Variants in MYO5C observed in about 807,000 individuals in gnomAD.
The protein encoded by MYO5C is unconventional myosin-Vc.
MYO5C carries 194 observed loss-of-function variants against 235.7 expected under a neutral mutation model. The observed-to-expected ratio is 0.82, with a 90% CI of 0.73 to 0.93. MYO5C has a LOEUF of 0.93. MYO5C is among the 40% of genes least tolerant of loss of function. The probability of loss-of-function intolerance (pLI) is 0.00; values close to 1 mark genes in which losing one functional copy is unlikely to be tolerated. For synonymous variants in MYO5C, 707 were observed against 754.8 expected (o/e 0.94, Z 1.04); for missense variants, 2,038 against 2,127.2 (o/e 0.96, Z 0.82).
chr15:52,206,008 CAT>C lies in MYO5C; in HGVS notation c.4387-44_4387-43del, dbSNP rs775352174. 74 of 1,229,994 alleles carry C rather than the reference CAT, an allele frequency of 6.0e-5. No individual in the cohort carries two copies. The Middle Eastern group carries it at 1.2e-3, about 19-fold the overall frequency. The allele number at this position is 1,229,994 out of a possible 1,614,324, so 76.2% of individuals were successfully genotyped here. A position where few individuals can be genotyped will look rare whatever the true frequency, so the allele number is the denominator to read the frequency against. On this transcript the variant is annotated intron_variant, in intron 36 of 40. Transcript: ENST00000261839. Reference sequence around the variant, plus strand: ...ACATAAAATATTAGAATAATACAAACATGTAGGAAATTAATAATCAGCTACTA... The same window carrying C: ...ACATAAAATATTAGAATAATACAAACGTAGGAAATTAATAATCAGCTACTA...
At chr15:52,215,512 A>C (rs1437724206) in intron 32 of MYO5C, among the ~76,000 whole-genome samples, 1 of 152,130 alleles carries the variant, frequency 6.6e-6, no homozygotes, top group Non-Finnish European at 1.5e-5. Context: ...GCCGAGGGAC[A>C]TTGTGCTGTT....
intron 1 of MYO5C, among the ~76,000 whole-genome samples, chr15:52,291,186 A>T (rs963323397): frequency 2.0e-5 from 3 of 152,218 alleles, no homozygotes; most frequent in Non-Finnish European, 2.9e-5. Context: ...CACCGTACTC[A>T]TGGCTGAGCA....
intron 11 of MYO5C, among the ~76,000 whole-genome samples, 199 bp downstream of exon 11, chr15:52,256,440 A>C (rs1168277060): frequency 6.6e-6 from 1 of 152,142 alleles, no homozygotes; most frequent in Non-Finnish European, 1.5e-5. Context: ...TGATTCAAAA[A>C]AGATGAAATA....
rs553279805 is a variant in MYO5C at position 52,211,651 on chromosome 15, C to T, written c.4296+79G>A. 207 of 1,476,324 alleles carry T rather than the reference C, an allele frequency of 1.4e-4. No individual in the cohort carries two copies. The African/African-American group carries it at 2.5e-3, about 18-fold the overall frequency. 91.5% of individuals were successfully genotyped at this position (1,476,324 alleles called of 1,614,324 possible). A position where few individuals can be genotyped will look rare whatever the true frequency, so the allele number is the denominator to read the frequency against. On this transcript the variant is annotated intron_variant, in intron 35 of 40. Transcript: ENST00000261839. ...CATGTGGCTCACCACACAATGGAGG[C>T]TCAGGATGGGCAAAGACTGGGCATC...
chr15:52,253,261 A>AG (rs2036510800), intron 12 of MYO5C, 56 bp downstream of exon 12: 1 of 1,542,714 alleles, frequency 6.5e-7, no homozygotes, highest in East Asian at 2.3e-5. Flanking sequence ...TGCTTTGCAA[A>AG]ATGCTCATCT....
chr15:52,261,187 ACC>A, intron 9 of MYO5C, 60 bp from the exon 10 acceptor site: 1 of 1,580,202 alleles, frequency 6.3e-7, no homozygotes, highest in Admixed American at 1.7e-5. Flanking sequence ...ACACAATCCC[ACC>A]CGGCCAAGGC....
intron 25 of MYO5C, 68 bp downstream of exon 25, chr15:52,229,065 G>A: frequency 3.2e-6 from 5 of 1,583,288 alleles, no homozygotes; most frequent in Non-Finnish European, 4.3e-6. Context: ...TGTCTAATCT[G>A]TGGGAACTTG....
intron 21 of MYO5C, among the ~76,000 whole-genome samples, chr15:52,238,309 G>A (rs1011249903): frequency 1.3e-5 from 2 of 152,182 alleles, no homozygotes; most frequent in African/African-American, 4.8e-5. Context: ...CAGAGCTCAG[G>A]CAGCGTTGGG....
chr15:52,231,742 C>A (rs1217506061), intron 24 of MYO5C, among the ~76,000 whole-genome samples: 1 of 152,118 alleles, frequency 6.6e-6, no homozygotes, highest in Admixed American at 6.6e-5. Context: ...AGAGATGTGC[C>A]AAGCATGTTC....
Position 52,256,698 on chromosome 15 carries a change from T to C in MYO5C, c.1336A>G (p.Ser446Gly), listed in dbSNP as rs763696353. Reference protein sequence around the residue: ...IYGFETFDVNSFEQFCINYAN... With the variant: ...IYGFETFDVNGFEQFCINYAN... ...TAATTGATGCAAAATTGTTCAAAGCTGTTCACATCAAAGGTTTCAAAACTG... is the reference window on the plus strand; with the variant it reads ...TAATTGATGCAAAATTGTTCAAAGCCGTTCACATCAAAGGTTTCAAAACTG... Residue 446 changes from serine (S) to glycine (G), a missense_variant, in exon 11 of 41, where the codon AGC becomes GGC. Ser to Gly is a moderately conservative substitution (Grantham distance 56, BLOSUM62 0). Transcript: ENST00000261839. 3.7e-6 allele frequency: 6 copies of C among 1,613,128 alleles called. No individual in the cohort carries two copies. In the South Asian group the frequency reaches 6.6e-5, roughly 18 times the overall value.
chr15:52,228,989 C>T, intron 25 of MYO5C, 144 bp downstream of exon 25: 1 of 828,804 alleles, frequency 1.2e-6, no homozygotes, highest in Non-Finnish European at 1.8e-6. Context: ...CCTGGAGGTG[C>T]ACAGTTGGAA....
intron 38 of MYO5C, among the ~76,000 whole-genome samples, chr15:52,202,926 TTG>T (rs1440268448): frequency 4.9e-5 from 4 of 81,364 alleles, no homozygotes; most frequent in Non-Finnish European, 1.1e-4. Context: ...AAATTTTTTT[TTG>T]TTTTTTTTTT....
At chr15:52,245,559 G>A (rs910983460) in intron 17 of MYO5C, 94 bp from the exon 18 acceptor site, 19 of 876,806 alleles carry the variant, frequency 2.2e-5, no homozygotes, top group Non-Finnish European at 3.7e-5. Flanking sequence ...TTGTCATAGG[G>A]CGGGGGTGGT....
At chr15:52,205,182 A>G in intron 37 of MYO5C, 35 bp from the exon 38 acceptor site, 1 of 1,604,308 alleles carries the variant, frequency 6.2e-7, no homozygotes, top group Non-Finnish European at 8.5e-7. Context: ...CTGACACGCC[A>G]GGAGACACAC....
chr15:52,247,965 ATC>A (rs1014440261), intron 14 of MYO5C, among the ~76,000 whole-genome samples: 1 of 152,110 alleles, frequency 6.6e-6, no homozygotes, highest in African/African-American at 2.4e-5. Flanking sequence ...CTACCCAGGA[ATC>A]TCTTAAAATG....
At position 52,240,007 on chromosome 15, in the gene MYO5C, G is replaced by A. The variant is rs566510525; in HGVS notation, c.2557-128C>T. ...TTTCTTCTTGTCAACCTGCACAGCCGTATTACAGCTAGACTTTTCAAACAA... is the reference window on the plus strand; with the variant it reads ...TTTCTTCTTGTCAACCTGCACAGCCATATTACAGCTAGACTTTTCAAACAA... On this transcript the variant is annotated intron_variant, in intron 20 of 40. Transcript: ENST00000261839. 9.5e-5 allele frequency: 88 copies of A among 922,752 alleles called. 1 individual carries two copies. The highest frequency in any genetic ancestry group is 4.8e-4 in the African/African-American group (29 of 60,036). 57.2% of individuals were successfully genotyped at this position (922,752 alleles called of 1,614,324 possible).
Position 52,194,081 on chromosome 15 carries a change from A to G in MYO5C, c.5077-27T>C, listed in dbSNP as rs767008860. On this transcript the variant is annotated intron_variant, in intron 40 of 40. Transcript: ENST00000261839. ...TGAAATTAGAATCAGAGGAAAAATG[A>G]GTAAGGAAACTAACATGTTCTGCTT... 20 of 1,604,820 alleles carry G rather than the reference A, an allele frequency of 1.2e-5. No homozygotes were observed. The South Asian group carries it at 2.1e-4, about 17-fold the overall frequency.
At chr15:52,207,915 T>C (rs1461240306) in intron 36 of MYO5C, among the ~76,000 whole-genome samples, 1 of 152,178 alleles carries the variant, frequency 6.6e-6, no homozygotes, top group East Asian at 1.9e-4. Context: ...GCAATTTAAG[T>C]CAACAAGATA....
At chr15:52,217,498 GAGGCA>G (rs975545937) in intron 32 of MYO5C, among the ~76,000 whole-genome samples, 9 of 152,316 alleles carry the variant, frequency 5.9e-5, no homozygotes, top group Middle Eastern at 3.4e-3. Flanking sequence ...GGGCCCACAG[GAGGCA>G]AGGCAAGGCA....
Sources: gnomAD v4.1 joint callset for allele counts (sites outside exome capture counted in the v4.1 genomes callset) on GRCh38, gnomAD v4.1.1 for gene constraint, MANE v1.5 for transcripts, NCBI Gene and HGNC (gene_info 2026-07-23, HGNC 2026-07-21) for gene names.